Variants in SMARCC1 observed in about 807,000 individuals in gnomAD.
SMARCC1 encodes the protein SWI/SNF complex subunit SMARCC1.
Under a neutral mutation model 147.4 loss-of-function variants are expected in SMARCC1, and 43 were observed. That is an observed-to-expected ratio of 0.29 (90% CI 0.23 to 0.38). The LOEUF (loss-of-function observed/expected upper bound fraction) is 0.38. Ranked by LOEUF, SMARCC1 falls within the 10% of genes least tolerant of loss-of-function variation. SMARCC1 has a pLI of 1.00. For missense variants in SMARCC1, 1,119 were observed against 1,381.1 expected, an observed-to-expected ratio of 0.81 and a Z score of 3.01; for synonymous variants, 495 against 484.4, an observed-to-expected ratio of 1.02 and a Z score of -0.29.
intron 8 of SMARCC1, among the ~76,000 whole-genome samples, chr3:47,712,190 C>A (rs2106799717): frequency 6.6e-6 from 1 of 152,204 alleles, no homozygotes; most frequent in East Asian, 1.9e-4. Flanking sequence ...CAAGATCACG[C>A]CATTGCACTC....
At chr3:47,772,391 T>C (rs1448178160) in intron 2 of SMARCC1, among the ~76,000 whole-genome samples, 1 of 152,214 alleles carries the variant, frequency 6.6e-6, no homozygotes, top group African/African-American at 2.4e-5. Context: ...AGATCCTGTC[T>C]GTAAAAACAA....
At chr3:47,626,555 A>T (rs966334299) in intron 24 of SMARCC1, among the ~76,000 whole-genome samples, 5 of 152,188 alleles carry the variant, frequency 3.3e-5, no homozygotes, top group African/African-American at 1.2e-4. Context: ...TAAAATTCCA[A>T]ACCCAAAGGC....
At position 47,745,993 on chromosome 3, in the gene SMARCC1, C is replaced by T. The variant is rs767602382; in HGVS notation, c.316G>A (p.Ala106Thr). Reference sequence around the variant, plus strand: ...GCTTTGAAATCCATGAAACACTTTGCCTAAAAATGATACAAATTACACATG... The same window carrying T: ...GCTTTGAAATCCATGAAACACTTTGTCTAAAAATGATACAAATTACACATG... ...VTNPAFTKLP[A>T]KCFMDFKAGG... Residue 106 changes from alanine (A) to threonine (T), a missense_variant and splice_region_variant, in exon 3 of 28, where the codon GCA becomes ACA. Ala to Thr is a moderately conservative substitution (Grantham distance 58). Coordinates refer to ENST00000254480, the MANE Select transcript of SMARCC1 (RefSeq NM_003074.4). The T allele has an allele frequency of 4.5e-6, 7 of 1,565,526 alleles. No individual in the cohort carries two copies. In the South Asian group the frequency reaches 8.6e-5, roughly 19 times the overall value.
At chr3:47,652,520 A>G (rs747353396) in intron 21 of SMARCC1, among the ~76,000 whole-genome samples, 2 of 152,174 alleles carry the variant, frequency 1.3e-5, no homozygotes, top group Non-Finnish European at 2.9e-5. Context: ...AGCCTGCTAC[A>G]ATGAAGAGAA....
Position 47,767,556 on chromosome 3 carries a change from A to G in SMARCC1, c.315+5261T>C, listed in dbSNP as rs572096186. Among the ~76,000 whole-genome samples, 408 of 147,078 alleles carry G rather than the reference A, an allele frequency of 2.8e-3. 3 individuals are homozygous for G. Among genetic ancestry groups the G allele is most frequent in the African/African-American group, 9.5e-3 (386 of 40,476 alleles). ...GCACCCAGCCTCCACTCTGATTTAA[A>G]AAAAAAAAAAAAAAGTCCAAATAGT... On this transcript the variant is annotated intron_variant, in intron 2 of 27. Transcript: ENST00000254480.
intron 15 of SMARCC1, 44 bp downstream of exon 15, chr3:47,680,393 C>A (rs753040297): frequency 2.2e-6 from 3 of 1,346,902 alleles, no homozygotes; most frequent in Admixed American, 1.7e-5. Context: ...GAGCCCCTAC[C>A]GCACACAGGC....
At chr3:47,615,963 C>T (rs1286448165) in intron 25 of SMARCC1, among the ~76,000 whole-genome samples, 6 of 152,170 alleles carry the variant, frequency 3.9e-5, no homozygotes, top group African/African-American at 9.7e-5. Context: ...GGATTACAGG[C>T]GTGAGCCACA....
chr3:47,676,501 C>T, intron 17 of SMARCC1, 128 bp downstream of exon 17: 2 of 704,148 alleles, frequency 2.8e-6, no homozygotes, highest in Non-Finnish European at 4.7e-6. Context: ...AATACACACA[C>T]AAGCAAGGAT....
chr3:47,719,797 A>G (rs1360660506), intron 7 of SMARCC1, among the ~76,000 whole-genome samples: 1 of 152,076 alleles, frequency 6.6e-6, no homozygotes, highest in African/African-American at 2.4e-5. Flanking sequence ...GTGTAGTGCC[A>G]TGATCTCGGC....
At chr3:47,596,118 G>A (rs919761894) in intron 26 of SMARCC1, among the ~76,000 whole-genome samples, 3 of 151,724 alleles carry the variant, frequency 2.0e-5, no homozygotes, top group African/African-American at 7.3e-5. Context: ...AAAGGAAAAA[G>A]GGCTATATTA....
At chr3:47,661,069 G>C (rs2033339389) in intron 21 of SMARCC1, among the ~76,000 whole-genome samples, 1 of 151,950 alleles carries the variant, frequency 6.6e-6, no homozygotes, top group Non-Finnish European at 1.5e-5. Flanking sequence ...ACAGCAACCA[G>C]ATAATTCACA....
intron 24 of SMARCC1, among the ~76,000 whole-genome samples, chr3:47,634,696 G>GA (rs1396235570): frequency 6.6e-6 from 1 of 151,998 alleles, no homozygotes; most frequent in African/African-American, 2.4e-5. Flanking sequence ...ACTATAAATA[G>GA]AAAAAACCAC....
chr3:47,725,159 T>G lies in SMARCC1; in HGVS notation c.646+3866A>C, dbSNP rs995375634. Among the ~76,000 whole-genome samples the G allele has an allele frequency of 2.7e-5, 4 of 149,402 alleles. No homozygotes were observed. The Admixed American group carries it at 2.7e-4, about 10-fold the overall frequency. The stretch of plus-strand genomic sequence containing the variant: ...GTTTTTTACCACAATAAAAAAGGAA[T>G]ACAATATCAAACAGATTCACCTTGA... On this transcript the variant is annotated intron_variant, in intron 6 of 27. Coordinates refer to ENST00000254480, the MANE Select transcript of SMARCC1 (RefSeq NM_003074.4).
At chr3:47,630,063 G>A (rs1240569311) in intron 24 of SMARCC1, among the ~76,000 whole-genome samples, 1 of 151,208 alleles carries the variant, frequency 6.6e-6, no homozygotes, top group East Asian at 1.9e-4. Context: ...TGAGGTCTGG[G>A]ATGGTGCCAC....
At chr3:47,669,321 A>C (rs1420796379) in intron 19 of SMARCC1, among the ~76,000 whole-genome samples, 2 of 152,218 alleles carry the variant, frequency 1.3e-5, no homozygotes, top group African/African-American at 4.8e-5. Context: ...TTCCAGCATC[A>C]ATGTGCAGCA....
At chr3:47,731,190 G>A (rs1255251286) in intron 5 of SMARCC1, among the ~76,000 whole-genome samples, 2 of 152,174 alleles carry the variant, frequency 1.3e-5, no homozygotes, top group South Asian at 2.1e-4. Context: ...AACGTTAACA[G>A]CGACTGTGCC....
At chr3:47,684,509 C>T (rs1429999320) in intron 14 of SMARCC1, among the ~76,000 whole-genome samples, 2 of 150,690 alleles carry the variant, frequency 1.3e-5, no homozygotes, top group South Asian at 4.2e-4. Flanking sequence ...GGCTTGATCT[C>T]GGCTCAATGC....
In SMARCC1 at chr3:47,759,618, C is replaced by CAAAAAAA; in HGVS notation, c.315+13192_315+13198dup. ...TCTGGGACAGAGCTAGACTCCGTCTCAAAAAAAAAAAAAAAAAAGAAAAAG... is the reference window on the plus strand; with the variant it reads ...TCTGGGACAGAGCTAGACTCCGTCTCAAAAAAAAAAAAAAAAAAAAAAAAAGAAAAAG... On this transcript the variant is annotated intron_variant, in intron 2 of 27. Transcript: ENST00000254480. Among the ~76,000 whole-genome samples the CAAAAAAA allele has an allele frequency of 3.1e-5, 2 of 63,744 alleles. 1 individual carries two copies. Among genetic ancestry groups the CAAAAAAA allele is most frequent in the Non-Finnish European group, 6.1e-5 (2 of 32,644 alleles). 41.8% of individuals were successfully genotyped at this position (63,744 alleles called of 152,430 possible). A position where few individuals can be genotyped will look rare whatever the true frequency, so the allele number is the denominator to read the frequency against.
chr3:47,600,934 T>A (rs1330152792), intron 26 of SMARCC1, among the ~76,000 whole-genome samples: 1 of 147,986 alleles, frequency 6.8e-6, no homozygotes, highest in Admixed American at 6.8e-5. Flanking sequence ...AAAGGATGTA[T>A]GTCTTTTCCA....
Sources: gnomAD v4.1 joint callset for allele counts (sites outside exome capture counted in the v4.1 genomes callset) on GRCh38, gnomAD v4.1.1 for gene constraint, MANE v1.5 for transcripts, NCBI Gene and HGNC (gene_info 2026-07-23, HGNC 2026-07-21) for gene names.